The following CCSER1 variants were observed in gnomAD, a reference collection of about 807,000 sequenced individuals.
CCSER1 encodes the protein coiled-coil serine rich protein 1.
Under a neutral mutation model 82.0 loss-of-function variants are expected in CCSER1, and 41 were observed. That is an observed-to-expected ratio of 0.50 (90% CI 0.39 to 0.65). The LOEUF (loss-of-function observed/expected upper bound fraction) is 0.65, where lower values mean the gene tolerates loss of function less well. Ranked by LOEUF, CCSER1 falls within the 30% of genes least tolerant of loss-of-function variation. The probability of loss-of-function intolerance (pLI) is 0.00; values close to 1 mark genes in which losing one functional copy is unlikely to be tolerated. For missense variants in CCSER1, 1,119 were observed against 1,064.2 expected (o/e 1.05, Z -0.72); for synonymous variants, 414 against 383.9 (o/e 1.08, Z -0.92).
At chr4:91,165,859 G>T (rs1731994915) in intron 10 of CCSER1, among the ~76,000 whole-genome samples, 1 of 152,202 alleles carries the variant, frequency 6.6e-6, no homozygotes, top group Non-Finnish European at 1.5e-5. Flanking sequence ...GGCTCGGAAA[G>T]GGAAATCCCC....
At chr4:90,551,366 T>C (rs773827393) in intron 5 of CCSER1, among the ~76,000 whole-genome samples, 14 of 152,110 alleles carry the variant, frequency 9.2e-5, no homozygotes, top group Admixed American at 2.6e-4. Flanking sequence ...GCCCTCCAGT[T>C]TTACTAAATT....
intron 10 of CCSER1, among the ~76,000 whole-genome samples, chr4:91,169,359 G>A (rs907809999): frequency 7.2e-5 from 11 of 152,030 alleles, no homozygotes; most frequent in Admixed American, 1.3e-4. Context: ...GGTGTCTCAC[G>A]CCTATAATCC....
intron 10 of CCSER1, among the ~76,000 whole-genome samples, chr4:91,177,685 T>C (rs1429913026): frequency 2.0e-5 from 3 of 152,226 alleles, no homozygotes; most frequent in Non-Finnish European, 4.4e-5. Flanking sequence ...ACATTTTTAA[T>C]ACATCTATTT....
At chr4:90,932,556 C>T (rs911012008) in intron 9 of CCSER1, among the ~76,000 whole-genome samples, 5 of 151,950 alleles carry the variant, frequency 3.3e-5, no homozygotes, top group Non-Finnish European at 7.4e-5. Context: ...GAGCCCAGCG[C>T]GGTGCCTCAC....
chr4:91,008,623 C>T (rs966791128), intron 9 of CCSER1, among the ~76,000 whole-genome samples: 10 of 152,076 alleles, frequency 6.6e-5, no homozygotes, highest in Middle Eastern at 3.2e-3. Flanking sequence ...TTGGAGGCAT[C>T]GTATAGTTTG....
At chr4:90,730,367 A>G (rs1459961389) in intron 7 of CCSER1, among the ~76,000 whole-genome samples, 2 of 152,156 alleles carry the variant, frequency 1.3e-5, no homozygotes, top group Non-Finnish European at 2.9e-5. Flanking sequence ...GGAAGAGCCC[A>G]TTATGGTATA....
intron 1 of CCSER1, among the ~76,000 whole-genome samples, chr4:90,223,259 AT>A (rs1363140661): frequency 6.6e-6 from 1 of 152,110 alleles, no homozygotes; most frequent in African/African-American, 2.4e-5. Flanking sequence ...ATTGATATGT[AT>A]TTTTTTCACT....
At chr4:91,535,473 AAAAC>A (rs1386870959) in intron 10 of CCSER1, among the ~76,000 whole-genome samples, 1 of 121,348 alleles carries the variant, frequency 8.2e-6, no homozygotes, top group Non-Finnish European at 1.7e-5. Context: ...TGAAAAATAA[AAAAC>A]AACAAGAATA....
intron 8 of CCSER1, among the ~76,000 whole-genome samples, chr4:90,872,251 C>T (rs1766620078): frequency 6.6e-6 from 1 of 151,522 alleles, no homozygotes. Context: ...CTTCTCCTTC[C>T]TTCCTTCCTT....
At chr4:91,363,510 C>A (rs1409180909) in intron 10 of CCSER1, among the ~76,000 whole-genome samples, 4 of 151,630 alleles carry the variant, frequency 2.6e-5, no homozygotes, top group African/African-American at 9.7e-5. Context: ...ATAACTGAAA[C>A]ACAAGGAGAA....
At chr4:90,722,874 A>G (rs1046573760) in intron 6 of CCSER1, among the ~76,000 whole-genome samples, 1 of 151,924 alleles carries the variant, frequency 6.6e-6, no homozygotes, top group Admixed American at 6.6e-5. Context: ...TTGAATAGAA[A>G]GTCTCTAAGA....
intron 10 of CCSER1, among the ~76,000 whole-genome samples, chr4:91,528,002 C>T (rs1000254165): frequency 6.6e-6 from 1 of 152,108 alleles, no homozygotes; most frequent in Non-Finnish European, 1.5e-5. Flanking sequence ...GCAACCTCCA[C>T]TTCCCAGGAT....
At chr4:91,481,575 ATTTAGCCCCTAAC>A (rs1757918636) in intron 10 of CCSER1, among the ~76,000 whole-genome samples, 2 of 152,180 alleles carry the variant, frequency 1.3e-5, no homozygotes, top group Non-Finnish European at 1.5e-5. Context: ...GTGAGACACA[ATTTAGCCCCTAAC>A]ATGAGGATTG....
At chr4:91,373,142 CTT>C (rs200009138) in intron 10 of CCSER1, among the ~76,000 whole-genome samples, 4 of 145,092 alleles carry the variant, frequency 2.8e-5, no homozygotes, top group Admixed American at 6.9e-5. Flanking sequence ...TTTAAACATA[CTT>C]TTTTTTTTTT....
chr4:91,059,240 G>A (rs1743721705), intron 9 of CCSER1, among the ~76,000 whole-genome samples: 1 of 145,072 alleles, frequency 6.9e-6, no homozygotes, highest in Non-Finnish European at 1.5e-5. Flanking sequence ...TTCTTGACTT[G>A]CTTGTATATA....
chr4:90,553,963 G>A (rs562559005), intron 5 of CCSER1, among the ~76,000 whole-genome samples: 4 of 152,252 alleles, frequency 2.6e-5, no homozygotes, highest in Admixed American at 1.3e-4. Context: ...AAGAACTCTA[G>A]ACGTACTAGG....
At chr4:90,826,947 G>GGGGT (rs2149807237) in intron 8 of CCSER1, among the ~76,000 whole-genome samples, 1 of 152,266 alleles carries the variant, frequency 6.6e-6, no homozygotes, top group South Asian at 2.1e-4. Flanking sequence ...CCAGAAGTGG[G>GGGGT]GGGTCTTTCC....
At chr4:90,209,702 C>A (rs1282461433) in intron 1 of CCSER1, among the ~76,000 whole-genome samples, 2 of 150,270 alleles carry the variant, frequency 1.3e-5, no homozygotes, top group Admixed American at 6.6e-5. Context: ...CCAATTAAAT[C>A]TTTAGGACTT....
chr4:91,180,862 T>C (rs1001542134), intron 10 of CCSER1, among the ~76,000 whole-genome samples: 3 of 152,318 alleles, frequency 2.0e-5, no homozygotes, highest in Middle Eastern at 3.4e-3. Context: ...TCATTAGCAT[T>C]GTTTCTATAG....
Sources: allele counts gnomAD v4.1 joint callset (sites outside exome capture counted in the v4.1 genomes callset), GRCh38; gene constraint gnomAD v4.1.1; transcripts MANE v1.5; gene names NCBI Gene and HGNC (gene_info 2026-07-23, HGNC 2026-07-21).